The following RDH10 variants were observed in gnomAD, a reference collection of about 807,000 sequenced individuals.
RDH10 encodes the protein retinol dehydrogenase 10 (all-trans).
RDH10 carries 12 observed loss-of-function variants against 30.2 expected under a neutral mutation model. The observed-to-expected ratio is 0.40, with a 90% CI of 0.25 to 0.64. The LOEUF is 0.64. Ranked by LOEUF, RDH10 falls within the 30% of genes least tolerant of loss-of-function variation. The pLI is 0.43. For missense variants in RDH10, 268 were observed against 445.2 expected (o/e 0.60, Z 3.58); for synonymous variants, 189 against 172.2 (o/e 1.10, Z -0.76).
chr8:73,300,823 T>C (rs1814359914), intron 2 of RDH10, among the ~76,000 whole-genome samples: 1 of 152,188 alleles, frequency 6.6e-6, no homozygotes, highest in Non-Finnish European at 1.5e-5. Flanking sequence ...ACTTCTGGCA[T>C]TTTTGGATAT....
chr8:73,320,819 G>A, intron 3 of RDH10, 113 bp from the exon 4 acceptor site: 2 of 1,023,328 alleles, frequency 2.0e-6, no homozygotes, highest in Non-Finnish European at 2.9e-6. Context: ...GTAGTCACCT[G>A]TAACCTTATG....
At chr8:73,319,290 A>G (rs1814725329) in intron 3 of RDH10, 96 bp downstream of exon 3, 1 of 834,374 alleles carries the variant, frequency 1.2e-6, no homozygotes, top group Non-Finnish European at 2.0e-6. Context: ...CCCTCCATTC[A>G]TGAAAGCTGC....
intron 2 of RDH10, among the ~76,000 whole-genome samples, chr8:73,303,921 C>T (rs1814424101): frequency 6.6e-6 from 1 of 152,192 alleles, no homozygotes; most frequent in African/African-American, 2.4e-5. Context: ...CCAACATCTT[C>T]AATATGTTCT....
chr8:73,315,378 C>T (rs1814644717), intron 2 of RDH10: 2 of 243,696 alleles, frequency 8.2e-6, no homozygotes, highest in South Asian at 4.3e-5. Context: ...TGTGTCCCCA[C>T]GTCACATTTT....
intron 2 of RDH10, 71 bp downstream of exon 2, chr8:73,297,500 C>G (rs573099761): frequency 8.8e-7 from 1 of 1,133,446 alleles, no homozygotes; most frequent in Non-Finnish European, 1.3e-6. Flanking sequence ...GGAGAGACTT[C>G]AGTGCCAGCC....
At chr8:73,322,876 T>G in intron 5 of RDH10, 37 bp from the exon 6 acceptor site, 1 of 1,613,986 alleles carries the variant, frequency 6.2e-7, no homozygotes, top group Non-Finnish European at 8.5e-7. Context: ...TAATTGAAAC[T>G]TCAAGTTTGC....
At position 73,297,301 on chromosome 8, in the gene RDH10, C is replaced by T. The variant is rs754709622; in HGVS notation, c.397C>T (p.Arg133Cys). The T allele has an allele frequency of 5.6e-6, 9 of 1,614,000 alleles. No homozygotes were observed. The highest frequency in any genetic ancestry group is 1.3e-5 in the African/African-American group (1 of 75,018). ...ENVYLTAERV[R>C]KEVGEVSVLV... ...CGTCTACCTGACGGCTGAAAGAGTC[C>T]GCAAGGAGGTTGGCGAAGTCTCAGT... is the stretch of plus-strand genomic sequence containing the variant. The change falls in exon 2 of 6, where the codon CGC becomes TGC. Residue 133 changes from arginine to cysteine, a missense_variant. Physicochemically the swap from Arg to Cys is radical, Grantham distance 180. Around this residue, in one of 4 missense-constraint regions of RDH10, gnomAD observed 136 missense variants for 288.8 expected, o/e 0.47. Transcript: ENST00000240285.
Position 73,295,506 on chromosome 8 carries a change from A to C in RDH10, c.217A>C (p.Asn73His). The C allele has an allele frequency of 6.4e-7, 1 of 1,556,912 alleles. No individual in the cohort carries two copies. Among genetic ancestry groups the C allele is most frequent in the Non-Finnish European group, 8.7e-7 (1 of 1,151,694 alleles). The change falls in exon 1 of 6, where the codon AAC (asparagine) becomes CAC (histidine). Residue 73 changes from asparagine (N) to histidine (H), a missense_variant. Physicochemically the swap from Asn to His is moderately conservative, Grantham distance 68. This residue lies in a region of RDH10 where 42 missense variants were observed against 77.6 expected (regional missense o/e 0.54). Coordinates refer to ENST00000240285, the MANE Select transcript of RDH10 (RefSeq NM_172037.5). ...GCTGTGGGACATCAACACGCAAAGCAACGAGGAGACGGCTGGCATGGTGCG... is the reference window on the plus strand; with the variant it reads ...GCTGTGGGACATCAACACGCAAAGCCACGAGGAGACGGCTGGCATGGTGCG... ...LVLWDINTQS[N>H]EETAGMVRHI...
chr8:73,322,909 T>C lies in RDH10; in HGVS notation c.903-4T>C, dbSNP rs1814794862. 2 of 1,614,122 alleles carry C rather than the reference T, an allele frequency of 1.2e-6. No individual in the cohort carries two copies. Among genetic ancestry groups the C allele is most frequent in the Middle Eastern group, 3.3e-4 (2 of 6,062 alleles). The stretch of plus-strand genomic sequence containing the variant: ...TGCTAACAGCTGTGACTTCCCTTTT[T>C]CAGCATCCTACCATTTGAAGCAGTT... On this transcript the variant is annotated splice_region_variant and splice_polypyrimidine_tract_variant and intron_variant, in intron 5 of 5. Coordinates refer to ENST00000240285, the MANE Select transcript of RDH10 (RefSeq NM_172037.5).
intron 2 of RDH10, among the ~76,000 whole-genome samples, chr8:73,316,045 C>T (rs1345535300): frequency 1.3e-5 from 2 of 152,174 alleles, no homozygotes; most frequent in Non-Finnish European, 2.9e-5. Context: ...GAGGCAGGGT[C>T]TCGCTCTGTC....
intron 2 of RDH10, among the ~76,000 whole-genome samples, chr8:73,304,293 C>G (rs901515555): frequency 1.3e-5 from 2 of 152,206 alleles, no homozygotes; most frequent in African/African-American, 4.8e-5. Context: ...AGCCTGCGTA[C>G]ATTCATGGGT....
intron 2 of RDH10, among the ~76,000 whole-genome samples, chr8:73,303,017 A>G (rs1198486299): frequency 6.6e-6 from 1 of 152,218 alleles, no homozygotes; most frequent in Non-Finnish European, 1.5e-5. Context: ...GCTAGTAGGT[A>G]ATTTACTTCT....
In RDH10 at chr8:73,322,504, T is replaced by C; in HGVS notation, c.771-175T>C. ...CAACTTGTTCTCCAGACTGTGCCAA[T>C]AAAATGTGTTCATAGCAGGAAAATT... On this transcript the variant is annotated intron_variant, in intron 4 of 5. Transcript: ENST00000240285. The C allele has an allele frequency of 5.1e-6, 3 of 589,808 alleles. No homozygotes were observed. The South Asian group carries it at 7.6e-5, about 15-fold the overall frequency. 36.5% of individuals were successfully genotyped at this position (589,808 alleles called of 1,614,324 possible).
In RDH10 at chr8:73,321,075, C is replaced by T. The variant is rs1437700228; in HGVS notation, c.768C>T (p.Ile256=). ...CTGGCATGTTCAGAGGCTGCCGAATCAGGTCAGTGAGAACCTATATTATTA... is the reference window on the plus strand; with the variant it reads ...CTGGCATGTTCAGAGGCTGCCGAATTAGGTCAGTGAGAACCTATATTATTA... ...VDTGMFRGCR[I]RKEIEPFLPP... The change falls in exon 4 of 6, where the codon ATC becomes ATT. Residue 256 remains isoleucine (I), a splice_region_variant and synonymous_variant. Transcript: ENST00000240285. 8 of 1,612,176 alleles carry T rather than the reference C, an allele frequency of 5.0e-6. No individual in the cohort carries two copies. The highest frequency in any genetic ancestry group is 5.9e-6 in the Non-Finnish European group (7 of 1,178,940).
At chr8:73,314,680 T>C (rs140296686) in intron 2 of RDH10, among the ~76,000 whole-genome samples, 2 of 152,314 alleles carry the variant, frequency 1.3e-5, no homozygotes, top group East Asian at 3.9e-4. Flanking sequence ...CTCAGGCTGA[T>C]TAGCGGCCCT....
At position 73,295,313 on chromosome 8, in the gene RDH10, C is replaced by G; in HGVS notation, c.24C>G (p.Phe8Leu). 1.3e-6 allele frequency: 2 copies of G among 1,566,546 alleles called. No homozygotes were observed. The highest frequency in any genetic ancestry group is 1.7e-6 in the Non-Finnish European group (2 of 1,158,050). The change falls in exon 1 of 6, where the codon TTC becomes TTG. Residue 8 changes from phenylalanine to leucine, a missense_variant. Transcript: ENST00000240285. MNIVVEF[F>L]VVTFKVLWAF... The stretch of plus-strand genomic sequence containing the variant: ...CGATGAACATCGTGGTGGAGTTCTT[C>G]GTGGTCACTTTCAAAGTGCTCTGGG...
At chr8:73,322,514 T>C in intron 4 of RDH10, 165 bp from the exon 5 acceptor site, 1 of 639,368 alleles carries the variant, frequency 1.6e-6, no homozygotes, top group Non-Finnish European at 2.6e-6. Flanking sequence ...TAAAATGTGT[T>C]CATAGCAGGA....
chr8:73,318,439 A>G (rs1034819639), intron 2 of RDH10, among the ~76,000 whole-genome samples: 3 of 152,162 alleles, frequency 2.0e-5, no homozygotes, highest in Non-Finnish European at 4.4e-5. Flanking sequence ...GGTGAAACCC[A>G]TGTTGGAATG....
chr8:73,321,591 T>C, intron 4 of RDH10: 1 of 352,290 alleles, frequency 2.8e-6, no homozygotes. Flanking sequence ...AGAAGAACCA[T>C]TTAGATATAC....
Sources: allele counts gnomAD v4.1 joint callset (sites outside exome capture counted in the v4.1 genomes callset), GRCh38; gene constraint gnomAD v4.1.1; regional missense constraint gnomAD v4.1.1; transcripts MANE v1.5; gene names NCBI Gene and HGNC (gene_info 2026-07-23, HGNC 2026-07-21).